FRA10AC1: variants seen among roughly 807,000 people sequenced by gnomAD.
FRA10AC1 encodes the protein FRA10A associated CGG repeat 1.
Under a neutral mutation model 56.5 loss-of-function variants are expected in FRA10AC1, and 43 were observed. That is an observed-to-expected ratio of 0.76 (90% confidence interval 0.60 to 0.98). The LOEUF (loss-of-function observed/expected upper bound fraction) is 0.98, where lower values mean the gene tolerates loss of function less well. Among genes scored for constraint, FRA10AC1 ranks in the 50% least tolerant of loss-of-function variants. The pLI, the probability that FRA10AC1 is intolerant of heterozygous loss-of-function variation, is 0.00. For missense variants in FRA10AC1, 346 were observed against 351.8 expected (o/e 0.98, Z 0.13); for synonymous variants, 112 against 110.5 (o/e 1.01, Z -0.09).
At chr10:93,677,447 T>C (rs947999774) in intron 11 of FRA10AC1, among the ~76,000 whole-genome samples, 2 of 152,060 alleles carry the variant, frequency 1.3e-5, no homozygotes, top group Non-Finnish European at 2.9e-5. Context: ...AAACAGGAAA[T>C]GTATTCTTTC....
intron 1 of FRA10AC1, among the ~76,000 whole-genome samples, chr10:93,701,417 T>C (rs1290089983): frequency 6.6e-6 from 1 of 152,224 alleles, no homozygotes; most frequent in Non-Finnish European, 1.5e-5. Context: ...CTGGCTACCT[T>C]GAATAAGTCA....
intron 7 of FRA10AC1, among the ~76,000 whole-genome samples, chr10:93,691,474 A>G (rs1419193638): frequency 6.6e-6 from 1 of 152,120 alleles, no homozygotes; most frequent in Non-Finnish European, 1.5e-5. Flanking sequence ...ATCACGCCCA[A>G]CCAAAAATAA....
rs772552456 is a variant in FRA10AC1, at chr10:93,692,647, A to G, written c.379T>C (p.Trp127Arg). 19 of 1,581,414 alleles carry G rather than the reference A, an allele frequency of 1.2e-5. No individual in the cohort carries two copies. Among genetic ancestry groups the G allele is most frequent in the Non-Finnish European group, 1.4e-5 (16 of 1,158,190 alleles). ...ATTACGCCTCTGATGGCTAATTACC[A>G]AGTCATGTCCATTTCGTCCTCCTCA... is the stretch of plus-strand genomic sequence containing the variant. ...WNEEDEMDMTWEKRLAKKYYD... is the reference protein window; with the variant it reads ...WNEEDEMDMTREKRLAKKYYD... The change falls in exon 6 of 14, where the codon TGG becomes CGG. Residue 127 changes from tryptophan (W) to arginine (R), a missense_variant and splice_region_variant. Coordinates refer to ENST00000359204, the MANE Select transcript of FRA10AC1 (RefSeq NM_145246.5).
At chr10:93,678,930 C>A (rs997846449) in intron 11 of FRA10AC1, among the ~76,000 whole-genome samples, 2 of 151,354 alleles carry the variant, frequency 1.3e-5, no homozygotes, top group African/African-American at 4.9e-5. Context: ...ACAGTCCAAA[C>A]GCAGCTGAGA....
At chr10:93,675,705 CA>C in intron 12 of FRA10AC1, 17 of 336,202 alleles carry the variant, frequency 5.1e-5, no homozygotes, top group East Asian at 1.0e-4. Flanking sequence ...ACTCCATCTC[CA>C]AAAAAATAAA....
intron 11 of FRA10AC1, among the ~76,000 whole-genome samples, chr10:93,677,104 G>GT (rs2058854724): frequency 6.6e-6 from 1 of 152,024 alleles, no homozygotes. Context: ...ATATATGCAG[G>GT]TAAGTATTAG....
intron 4 of FRA10AC1, among the ~76,000 whole-genome samples, chr10:93,697,502 T>A (rs146307834): frequency 2.3e-4 from 35 of 152,334 alleles, no homozygotes; most frequent in African/African-American, 7.9e-4. Flanking sequence ...TTGGTATCTC[T>A]TAAATTCTCC....
chr10:93,670,087 G>C (rs570776241), intron 13 of FRA10AC1, among the ~76,000 whole-genome samples: 1 of 152,032 alleles, frequency 6.6e-6, no homozygotes, highest in African/African-American at 2.4e-5. Flanking sequence ...ATTTCATATG[G>C]TGGCACCTCT....
At chr10:93,677,631 GA>G (rs2058865588) in intron 11 of FRA10AC1, among the ~76,000 whole-genome samples, 1 of 152,180 alleles carries the variant, frequency 6.6e-6, no homozygotes, top group Non-Finnish European at 1.5e-5. Context: ...ACAACTACCT[GA>G]AAATGTAAAG....
At chr10:93,683,522 T>C (rs1007843274) in intron 10 of FRA10AC1, among the ~76,000 whole-genome samples, 1 of 152,150 alleles carries the variant, frequency 6.6e-6, no homozygotes, top group Non-Finnish European at 1.5e-5. Flanking sequence ...AGTTAATTTC[T>C]GTATTTTCAG....
rs1390532166 is a variant in FRA10AC1 at position 93,693,658 on chromosome 10, CATATATATATACACCATAT to C, written c.297-948_297-930del. 3.5e-5 allele frequency among the ~76,000 whole-genome samples: 4 copies of C among 114,100 alleles called. No individual in the cohort carries two copies. In the South Asian group the frequency reaches 1.2e-3, roughly 34 times the overall value. 74.9% of individuals were successfully genotyped at this position (114,100 alleles called of 152,430 possible). On this transcript the variant is annotated intron_variant, in intron 5 of 13. Transcript: ENST00000359204. ...ATATATACACACCATATATATATACCATATATATATACACCATATATATATATATATACCATATATATAT... is the reference window on the plus strand; with the variant it reads ...ATATATACACACCATATATATATACCATATATATATATACCATATATATAT...
chr10:93,694,803 G>T, intron 5 of FRA10AC1, 58 bp downstream of exon 5: 1 of 878,954 alleles, frequency 1.1e-6, no homozygotes, highest in Non-Finnish European at 1.9e-6. Context: ...AGTAGCTGTG[G>T]GTCTTTAAAG....
In FRA10AC1 at chr10:93,669,748, A is replaced by G; in HGVS notation, c.*78T>C. The G allele has an allele frequency of 1.1e-6, 1 of 943,628 alleles. No individual in the cohort carries two copies. The highest frequency in any genetic ancestry group is 1.6e-6 in the Non-Finnish European group (1 of 611,292). 58.5% of individuals were successfully genotyped at this position (943,628 alleles called of 1,614,324 possible). ...AGCTGTAACTTGCAGATAAAAACTT[A>G]TATGGAATTTCAAATTGCATGAAGT... is the stretch of plus-strand genomic sequence containing the variant. On this transcript the variant is annotated 3_prime_UTR_variant, in exon 14 of 14. Coordinates refer to ENST00000359204, the MANE Select transcript of FRA10AC1 (RefSeq NM_145246.5).
intron 10 of FRA10AC1, 25 bp from the exon 11 acceptor site, chr10:93,681,623 AAAGTT>A (rs764669527): frequency 6.8e-6 from 10 of 1,465,114 alleles, no homozygotes; most frequent in Non-Finnish European, 9.0e-6. Flanking sequence ...ATATAAAATT[AAAGTT>A]AACTTTTCCA....
At chr10:93,691,488 T>A (rs1469832549) in intron 7 of FRA10AC1, among the ~76,000 whole-genome samples, 1 of 152,170 alleles carries the variant, frequency 6.6e-6, no homozygotes, top group African/African-American at 2.4e-5. Flanking sequence ...AAAATAAAAA[T>A]ATTAACTAAA....
intron 12 of FRA10AC1, chr10:93,674,511 G>A (rs917203411): frequency 5.3e-5 from 8 of 152,110 alleles, no homozygotes; most frequent in African/African-American, 1.7e-4. Flanking sequence ...ATAGCGTACC[G>A]GCTGCCAAAC....
chr10:93,678,330 C>G (rs550940370), intron 11 of FRA10AC1, among the ~76,000 whole-genome samples: 2 of 148,666 alleles, frequency 1.3e-5, no homozygotes, highest in African/African-American at 5.1e-5. Flanking sequence ...AGCTACTGAT[C>G]TTTCTTATTT....
chr10:93,697,000 A>G (rs1017625777), intron 4 of FRA10AC1, among the ~76,000 whole-genome samples: 1 of 152,196 alleles, frequency 6.6e-6, no homozygotes, highest in African/African-American at 2.4e-5. Flanking sequence ...GCAAACCACC[A>G]TGGTACATGT....
At chr10:93,678,592 G>T (rs1470909063) in intron 11 of FRA10AC1, among the ~76,000 whole-genome samples, 1 of 152,036 alleles carries the variant, frequency 6.6e-6, no homozygotes, top group Admixed American at 6.6e-5. Flanking sequence ...GCACTTTGGG[G>T]GGCCAAGGTG....
Sources: gnomAD v4.1 joint callset for allele counts (sites outside exome capture counted in the v4.1 genomes callset) on GRCh38, gnomAD v4.1.1 for gene constraint, MANE v1.5 for transcripts, NCBI Gene and HGNC (gene_info 2026-07-23, HGNC 2026-07-21) for gene names.